The following RANBP2 variants were observed in gnomAD, a reference collection of about 807,000 sequenced individuals.
The protein encoded by RANBP2 is E3 SUMO-protein ligase RanBP2.
In RANBP2, 57 loss-of-function variants were observed where a neutral mutation model predicts 303.6. That is an observed-to-expected ratio of 0.19 (90% CI 0.15 to 0.23). The LOEUF is 0.23. Among genes scored for constraint, RANBP2 ranks in the 10% least tolerant of loss-of-function variants. The pLI is 1.00. For synonymous variants in RANBP2, 1,167 were observed against 1,301.5 expected (o/e 0.90, Z 2.23); for missense variants, 3,138 against 3,780.8 (o/e 0.83, Z 4.46).
Position 108,781,256 on chromosome 2 carries a change from AT to A in RANBP2, c.8600-10del. Reference sequence around the variant, plus strand: ...TAGATACTAGTGTTTAAATATCCTGATTTATTCATCAGATAAAAATTTCCAA... The same window carrying A: ...TAGATACTAGTGTTTAAATATCCTGATTATTCATCAGATAAAAATTTCCAA... On this transcript the variant is annotated splice_polypyrimidine_tract_variant and intron_variant, in intron 25 of 28. Transcript: ENST00000283195. The A allele has an allele frequency of 6.2e-7, 1 of 1,614,030 alleles. No individual in the cohort carries two copies.
the RANBP2 span, among the ~76,000 whole-genome samples, chr2:108,887,594 T>C: frequency 6.6e-6 from 1 of 152,214 alleles, no homozygotes; most frequent in Admixed American, 6.5e-5. Context: ...TTCCACTTCC[T>C]TGGTTAAATT....
the RANBP2 span, chr2:108,931,090 G>T: frequency 6.8e-7 from 1 of 1,461,634 alleles, no homozygotes; most frequent in Non-Finnish European, 9.6e-7. Flanking sequence ...CGGGGGTCTG[G>T]CTACCTTTAT....
At chr2:108,854,260 G>T in the RANBP2 span, among the ~76,000 whole-genome samples, 1 of 151,004 alleles carries the variant, frequency 6.6e-6, no homozygotes, top group Admixed American at 6.7e-5. Context: ...AATTGTTGCT[G>T]TTCTCAGTTA....
At chr2:109,090,083 G>C in the RANBP2 span, among the ~76,000 whole-genome samples, 1 of 152,102 alleles carries the variant, frequency 6.6e-6, no homozygotes, top group Non-Finnish European at 1.5e-5. Flanking sequence ...ACAGGTGACT[G>C]ATAGGTGTCC....
At chr2:109,245,090 T>A in the RANBP2 span, among the ~76,000 whole-genome samples, 7 of 152,070 alleles carry the variant, frequency 4.6e-5, no homozygotes, top group East Asian at 1.4e-3. Context: ...CTGAGCAGAG[T>A]GTGCCCAGTT....
At chr2:108,941,568 C>T in the RANBP2 span, among the ~76,000 whole-genome samples, 6 of 152,196 alleles carry the variant, frequency 3.9e-5, no homozygotes, top group East Asian at 3.8e-4. Context: ...GTCCTCTGCA[C>T]CAGCTGGGGG....
the RANBP2 span, among the ~76,000 whole-genome samples, chr2:109,064,301 C>A: frequency 2.0e-5 from 3 of 151,742 alleles, no homozygotes. Context: ...ACTAAAAATA[C>A]AAAAATTAGC....
chr2:109,125,157 A>C, the RANBP2 span, among the ~76,000 whole-genome samples: 7 of 151,914 alleles, frequency 4.6e-5, no homozygotes, highest in Non-Finnish European at 1.0e-4. Context: ...GGCTGCAGGC[A>C]CTGCTGCTGC....
the RANBP2 span, among the ~76,000 whole-genome samples, chr2:109,709,915 C>T: frequency 6.6e-6 from 1 of 151,794 alleles, no homozygotes; most frequent in Non-Finnish European, 1.5e-5. Flanking sequence ...TGGTGAAACC[C>T]CATCTCTATT....
the RANBP2 span, among the ~76,000 whole-genome samples, chr2:109,276,387 G>T: frequency 6.6e-6 from 1 of 152,214 alleles, no homozygotes; most frequent in African/African-American, 2.4e-5. Flanking sequence ...CTGTCACTGG[G>T]TGATGGCCTG....
chr2:109,097,483 A>T, the RANBP2 span, among the ~76,000 whole-genome samples: 2 of 152,146 alleles, frequency 1.3e-5, no homozygotes, highest in Non-Finnish European at 2.9e-5. Flanking sequence ...GGTCAAGGAG[A>T]TAGTCTTTCA....
chr2:109,428,311 C>A, the RANBP2 span, among the ~76,000 whole-genome samples: 1 of 152,220 alleles, frequency 6.6e-6, no homozygotes, highest in African/African-American at 2.4e-5. Context: ...CTGATTAGAG[C>A]GGAAGAGAAA....
At chr2:109,243,518 A>G in the RANBP2 span, among the ~76,000 whole-genome samples, 53 of 152,302 alleles carry the variant, frequency 3.5e-4, no homozygotes, top group South Asian at 1.9e-3. Context: ...AAAAAGTCAG[A>G]TGGGGCAGGT....
chr2:109,271,486 A>C, the RANBP2 span, among the ~76,000 whole-genome samples: 5 of 152,234 alleles, frequency 3.3e-5, no homozygotes, highest in Non-Finnish European at 7.3e-5. Context: ...CCGTAAATCA[A>C]CGTGAGACTT....
At chr2:109,106,054 G>T in the RANBP2 span, among the ~76,000 whole-genome samples, 4 of 151,470 alleles carry the variant, frequency 2.6e-5, no homozygotes, top group Non-Finnish European at 4.4e-5. Flanking sequence ...GTAGAGACGG[G>T]GTTTCACCGT....
rs368547122 is a variant in RANBP2, at chr2:108,763,493, C to T, written c.2954C>T (p.Pro985Leu). Reference sequence around the variant, plus strand: ...GAACCAGGATATTTCACAAAACCTCCGATTGCAGCTCATGCTTCAAGATCT... The same window carrying T: ...GAACCAGGATATTTCACAAAACCTCTGATTGCAGCTCATGCTTCAAGATCT... ...LPEPGYFTKP[P>L]IAAHASRSAE... Residue 985 changes from proline to leucine, a missense_variant, in exon 20 of 29, where the codon CCG (proline) becomes CTG (leucine). Around this residue, in one of 20 missense-constraint regions of RANBP2, gnomAD observed 403 missense variants for 376.7 expected, o/e 1.07. Transcript: ENST00000283195. 143 of 1,614,058 alleles carry T rather than the reference C, an allele frequency of 8.9e-5. No homozygotes were observed. In the South Asian group the frequency reaches 9.8e-4, roughly 11 times the overall value.
chr2:109,553,304 G>A, the RANBP2 span: 1 of 1,427,796 alleles, frequency 7.0e-7, no homozygotes, highest in East Asian at 2.3e-5. Flanking sequence ...CAACACTTTG[G>A]GAGGCCGAGG....
the RANBP2 span, among the ~76,000 whole-genome samples, chr2:109,402,487 C>T: frequency 6.3e-4 from 96 of 152,328 alleles, no homozygotes; most frequent in Admixed American, 2.7e-3. Context: ...GCACTGCCAT[C>T]GTGGGAAACG....
chr2:109,032,934 T>G, the RANBP2 span, among the ~76,000 whole-genome samples: 2 of 152,198 alleles, frequency 1.3e-5, no homozygotes, highest in Admixed American at 1.3e-4. Flanking sequence ...TAATTTTCCC[T>G]GGATTTTCAA....
Sources: gnomAD v4.1 joint callset for allele counts (sites outside exome capture counted in the v4.1 genomes callset) on GRCh38, gnomAD v4.1.1 for gene constraint, gnomAD v4.1.1 regional missense constraint, MANE v1.5 for transcripts, NCBI Gene and HGNC (gene_info 2026-07-23, HGNC 2026-07-21) for gene names.